Variants in DRD3 observed in about 807,000 individuals in gnomAD.
The protein encoded by DRD3 is D(3) dopamine receptor.
A neutral mutation model predicts 36.3 loss-of-function variants in DRD3; 19 were observed. The ratio of observed to expected loss-of-function variants is 0.52; its 90% confidence interval spans 0.36 to 0.77. The LOEUF (loss-of-function observed/expected upper bound fraction) is 0.77. Among genes scored for constraint, DRD3 ranks in the 30% least tolerant of loss-of-function variants. The pLI is 0.00. For missense variants in DRD3, 465 were observed against 505.3 expected, an observed-to-expected ratio of 0.92 and a Z score of 0.77; for synonymous variants, 195 against 203.7, an observed-to-expected ratio of 0.96 and a Z score of 0.36.
chr3:114,154,516 G>T (rs1489568778), intron 3 of DRD3, among the ~76,000 whole-genome samples: 2 of 152,170 alleles, frequency 1.3e-5, no homozygotes, highest in East Asian at 1.9e-4. Flanking sequence ...CAGACAGGGG[G>T]CTCAATATAT....
chr3:114,140,789 A>G (rs889488607), intron 4 of DRD3, among the ~76,000 whole-genome samples: 15 of 152,178 alleles, frequency 9.9e-5, no homozygotes, highest in African/African-American at 3.6e-4. Flanking sequence ...GTGAGCAACA[A>G]CTGTTGGTAC....
chr3:114,147,655 C>G, intron 3 of DRD3, 98 bp from the exon 4 acceptor site: 2 of 1,404,116 alleles, frequency 1.4e-6, no homozygotes, highest in Non-Finnish European at 2.0e-6. Flanking sequence ...GACAGGGTCT[C>G]ACTCTGTCAC....
intron 4 of DRD3, among the ~76,000 whole-genome samples, chr3:114,146,484 G>T (rs946605746): frequency 6.6e-6 from 1 of 152,046 alleles, no homozygotes; most frequent in Non-Finnish European, 1.5e-5. Context: ...TTGGGAGGCC[G>T]AGGCGGGCTG....
At chr3:114,175,875 A>T (rs1163927392) in intron 1 of DRD3, 1 of 152,220 alleles carries the variant, frequency 6.6e-6, no homozygotes, top group Non-Finnish European at 1.5e-5. Context: ...GAAATAGAAG[A>T]TTACTCTTGG....
chr3:114,152,804 G>T (rs2077630213), intron 3 of DRD3, among the ~76,000 whole-genome samples: 1 of 152,252 alleles, frequency 6.6e-6, no homozygotes, highest in African/African-American at 2.4e-5. Flanking sequence ...GCGATTGCAC[G>T]TGACCGACTG....
chr3:114,131,316 G>A lies in DRD3; in HGVS notation c.808C>T (p.Gln270Ter). Residue 270 changes from glutamine to a stop codon, truncating the protein, a stop_gained, in exon 6 of 7, where the codon CAA (glutamine) becomes TAA (stop). Coordinates refer to ENST00000383673, the MANE Select transcript of DRD3 (RefSeq NM_000796.6). LOFTEE classifies it high-confidence loss of function. ...QDTALGGPGFQERGGELKREE... is the reference protein window; with the variant it reads ...QDTALGGPGF ...CTTTTCAACTCTCCTCCTCTTTCTT[G>A]GAAGCCTGGTCCACCCAAGGCAGTG... The A allele has an allele frequency of 6.2e-7, 1 of 1,614,190 alleles. No individual in the cohort carries two copies. Among genetic ancestry groups the A allele is most frequent in the Non-Finnish European group, 8.5e-7 (1 of 1,180,034 alleles).
chr3:114,162,684 T>C (rs932800129), intron 2 of DRD3, among the ~76,000 whole-genome samples: 1 of 152,224 alleles, frequency 6.6e-6, no homozygotes, highest in Non-Finnish European at 1.5e-5. Context: ...ATAAGCACTT[T>C]GTCCAAGGTC....
chr3:114,160,504 G>A (rs1054387338), intron 2 of DRD3, among the ~76,000 whole-genome samples: 6 of 152,220 alleles, frequency 3.9e-5, no homozygotes, highest in African/African-American at 1.4e-4. Context: ...AATGCTCCTT[G>A]TGGTTAAGTG....
In DRD3 at chr3:114,172,046, C is replaced by T. The variant is rs974013500; in HGVS notation, c.-35-19G>A. Reference sequence around the variant, plus strand: ...GGGCTTCCTGTGAGGAGACAGAAAACAATATTAATAAAATCAGACTCTTTG... The same window carrying T: ...GGGCTTCCTGTGAGGAGACAGAAAATAATATTAATAAAATCAGACTCTTTG... On this transcript the variant is annotated intron_variant, in intron 1 of 6. Transcript: ENST00000383673. 2.2e-5 allele frequency: 30 copies of T among 1,368,058 alleles called. No homozygotes were observed. In the African/African-American group the frequency reaches 3.6e-4, roughly 16 times the overall value. The allele number at this position is 1,368,058 out of a possible 1,614,324, so 84.7% of individuals were successfully genotyped here.
At chr3:114,161,542 C>G (rs375580801) in intron 2 of DRD3, among the ~76,000 whole-genome samples, 13 of 152,136 alleles carry the variant, frequency 8.5e-5, no homozygotes, top group South Asian at 4.2e-4. Context: ...TTTGAGAAAC[C>G]CTGACCAATG....
chr3:114,146,841 T>C (rs2107846328), intron 4 of DRD3, among the ~76,000 whole-genome samples: 1 of 152,226 alleles, frequency 6.6e-6, no homozygotes, highest in Admixed American at 6.5e-5. Context: ...ATATATATTG[T>C]CCATCCATCC....
chr3:114,131,185 C>T lies in DRD3; in HGVS notation c.939G>A (p.Gly313=). The T allele has an allele frequency of 1.2e-6, 2 of 1,614,182 alleles. No individual in the cohort carries two copies. Among genetic ancestry groups the T allele is most frequent in the Non-Finnish European group, 1.7e-6 (2 of 1,180,042 alleles). ...NGRLSTSLKL[G]PLQPRGVPLR... ...GTGGCACTCCCCGAGGTTGCAGGGG[C>T]CCCAGCTTCAAAGATGTCGATAATC... Residue 313 remains glycine (G), a synonymous_variant, in exon 6 of 7, where the codon GGG becomes GGA. Coordinates refer to ENST00000383673, the MANE Select transcript of DRD3 (RefSeq NM_000796.6).
intron 2 of DRD3, 106 bp from the exon 3 acceptor site, chr3:114,159,973 C>A: frequency 1.1e-6 from 1 of 894,972 alleles, no homozygotes; most frequent in East Asian, 2.5e-5. Flanking sequence ...GTTGGCACTC[C>A]TACTCCCTGT....
chr3:114,147,381 A>G, intron 4 of DRD3, 34 bp downstream of exon 4: 1 of 1,601,830 alleles, frequency 6.2e-7, no homozygotes, highest in South Asian at 1.1e-5. Flanking sequence ...GCTGTGAATC[A>G]CATGGATGCT....
Position 114,135,887 on chromosome 3 carries a change from T to G in DRD3, c.723+3613A>C, listed in dbSNP as rs200499121. Among the ~76,000 whole-genome samples the G allele has an allele frequency of 1.6e-4, 25 of 152,158 alleles. No individual in the cohort carries two copies. In the East Asian group the frequency reaches 3.3e-3, roughly 20 times the overall value. ...GTATTTTTTTAAGTAGAGATGGGGT[T>G]TCACCATGTTGGTCAGGCTGGTCTC... On this transcript the variant is annotated intron_variant, in intron 5 of 6. Transcript: ENST00000383673.
Position 114,129,270 on chromosome 3 carries a change from G to C in DRD3, c.1007-358C>G, listed in dbSNP as rs565485629. On this transcript the variant is annotated intron_variant, in intron 6 of 6. Transcript: ENST00000383673. The stretch of plus-strand genomic sequence containing the variant: ...GGGCAGGAGAGTTGCTTGAGCCCGG[G>C]AGGCAGAGGTTGTGGTGAGCCAAGA... Among the ~76,000 whole-genome samples the C allele has an allele frequency of 3.9e-5, 6 of 152,194 alleles. No individual in the cohort carries two copies. In the East Asian group the frequency reaches 1.2e-3, roughly 29 times the overall value.
At chr3:114,164,058 TA>T (rs2077758099) in intron 2 of DRD3, among the ~76,000 whole-genome samples, 1 of 149,240 alleles carries the variant, frequency 6.7e-6, no homozygotes, top group South Asian at 2.1e-4. Context: ...CTGTCTCTAC[TA>T]AAAATACAAA....
chr3:114,156,715 G>T (rs765529488), intron 3 of DRD3, among the ~76,000 whole-genome samples: 28 of 80,376 alleles, frequency 3.5e-4, no homozygotes, highest in African/African-American at 1.4e-3. Flanking sequence ...TGGCTTGCCT[G>T]TCTTTCTTTC....
At chr3:114,185,842 TTTTA>T (rs1446256480) in intron 1 of DRD3, among the ~76,000 whole-genome samples, 1 of 152,084 alleles carries the variant, frequency 6.6e-6, no homozygotes. Flanking sequence ...GAAAATGTTA[TTTTA>T]TTTATTTATT....
Sources: gnomAD v4.1 joint callset for allele counts (sites outside exome capture counted in the v4.1 genomes callset) on GRCh38, gnomAD v4.1.1 for gene constraint, MANE v1.5 for transcripts, NCBI Gene and HGNC (gene_info 2026-07-23, HGNC 2026-07-21) for gene names.